PHLPP2: variants seen among roughly 807,000 people sequenced by gnomAD.
PHLPP2 encodes the protein PH domain leucine-rich repeat-containing protein phosphatase 2.
Under a neutral mutation model 124.9 loss-of-function variants are expected in PHLPP2, and 66 were observed. The ratio of observed to expected loss-of-function variants is 0.53; its 90% confidence interval spans 0.43 to 0.65. PHLPP2 has a LOEUF of 0.65. Ranked by LOEUF, PHLPP2 falls within the 30% of genes least tolerant of loss-of-function variation. The pLI is 0.00. For missense variants in PHLPP2, 1,685 were observed against 1,600.4 expected, an observed-to-expected ratio of 1.05 and a Z score of -0.90; for synonymous variants, 681 against 624.7, an observed-to-expected ratio of 1.09 and a Z score of -1.34.
chr16:71,694,807 C>CG (rs2045152390), intron 3 of PHLPP2, among the ~76,000 whole-genome samples: 1 of 151,510 alleles, frequency 6.6e-6, no homozygotes, highest in Non-Finnish European at 1.5e-5. Flanking sequence ...ATTTTTGAGA[C>CG]GGAGTCTTGC....
chr16:71,649,928 C>T lies in PHLPP2; in HGVS notation c.2934G>A (p.Glu978=). ...ISSTPLTIQD[E]LLILGNKALW... ...ATGCTTTGTTTCCCAGAATCAGCAACTCATCTTGAATGGTCAGCGGAGTGG... is the reference window on the plus strand; with the variant it reads ...ATGCTTTGTTTCCCAGAATCAGCAATTCATCTTGAATGGTCAGCGGAGTGG... The change falls in exon 19 of 19, where the codon GAG becomes GAA. Residue 978 remains glutamate, a synonymous_variant. Transcript: ENST00000568954. 1 of 1,614,170 alleles carries T rather than the reference C, an allele frequency of 6.2e-7. No homozygotes were observed. The highest frequency in any genetic ancestry group is 1.3e-5 in the African/African-American group (1 of 75,042).
intron 2 of PHLPP2, among the ~76,000 whole-genome samples, chr16:71,708,292 C>A (rs187665932): frequency 1.3e-4 from 20 of 152,246 alleles, no homozygotes; most frequent in African/African-American, 4.6e-4. Context: ...TGAAAATGGC[C>A]GGCTCCTGCC....
In PHLPP2 at chr16:71,646,301, A is replaced by T. The variant is rs538684061; in HGVS notation, c.*2589T>A. 3.3e-5 allele frequency: 5 copies of T among 152,370 alleles called. No individual in the cohort carries two copies. Among genetic ancestry groups the T allele is most frequent in the Non-Finnish European group, 5.9e-5 (4 of 68,030 alleles). 9.4% of individuals were successfully genotyped at this position (152,370 alleles called of 1,614,324 possible). A position where few individuals can be genotyped will look rare whatever the true frequency, so the allele number is the denominator to read the frequency against. On this transcript the variant is annotated 3_prime_UTR_variant, in exon 19 of 19. Coordinates refer to ENST00000568954, the MANE Select transcript of PHLPP2 (RefSeq NM_015020.3). ...GCAACTGCAGAAGGACATGAATTAA[A>T]GCAGACTGCAAAAAAGAATAATCAG...
intron 12 of PHLPP2, among the ~76,000 whole-genome samples, chr16:71,665,456 G>A (rs965746693): frequency 6.6e-6 from 1 of 152,164 alleles, no homozygotes; most frequent in South Asian, 2.1e-4. Flanking sequence ...CTAACATAGT[G>A]TTTAGTATAT....
chr16:71,718,384 C>T (rs926839451), intron 1 of PHLPP2, among the ~76,000 whole-genome samples: 1 of 151,960 alleles, frequency 6.6e-6, no homozygotes, highest in African/African-American at 2.4e-5. Flanking sequence ...TCGAGACCAG[C>T]CTGGCCAACA....
chr16:71,688,207 C>T (rs2045072086), intron 4 of PHLPP2, among the ~76,000 whole-genome samples: 1 of 152,174 alleles, frequency 6.6e-6, no homozygotes. Context: ...TTCCAGGAAA[C>T]TTCTGTGTAT....
rs1310173890 is a variant in PHLPP2 at position 71,645,541 on chromosome 16, G to A, written c.*3349C>T. On this transcript the variant is annotated 3_prime_UTR_variant, in exon 19 of 19. Transcript: ENST00000568954. ...CATTAATAATTATTGGATAGATAGA[G>A]AAGGTGAGCCTGTGGCTTCCAAGTA... The A allele has an allele frequency of 6.6e-6, 1 of 152,664 alleles. No homozygotes were observed. The highest frequency in any genetic ancestry group is 6.5e-5 in the Admixed American group (1 of 15,272). 9.5% of individuals were successfully genotyped at this position (152,664 alleles called of 1,614,324 possible).
chr16:71,681,303 T>C (rs149633536), intron 6 of PHLPP2, among the ~76,000 whole-genome samples: 6 of 152,272 alleles, frequency 3.9e-5, no homozygotes, highest in African/African-American at 1.2e-4. Context: ...GTTCCTGTAT[T>C]AGAACAGAGA....
intron 5 of PHLPP2, among the ~76,000 whole-genome samples, chr16:71,683,982 G>A (rs1262111244): frequency 6.6e-6 from 1 of 151,962 alleles, no homozygotes; most frequent in African/African-American, 2.4e-5. Flanking sequence ...AGTAGAGACG[G>A]GGTTTCTCCA....
chr16:71,699,135 G>C (rs1332025171), intron 3 of PHLPP2, among the ~76,000 whole-genome samples: 1 of 152,170 alleles, frequency 6.6e-6, no homozygotes, highest in Non-Finnish European at 1.5e-5. Flanking sequence ...AAAGGTGAGA[G>C]GGAAGCATAT....
intron 17 of PHLPP2, among the ~76,000 whole-genome samples, chr16:71,654,472 T>C (rs1369428762): frequency 1.3e-5 from 2 of 152,224 alleles, no homozygotes; most frequent in African/African-American, 4.8e-5. Context: ...TTTCCTGGGC[T>C]AGTGACATGT....
intron 2 of PHLPP2, among the ~76,000 whole-genome samples, chr16:71,710,350 C>A (rs1042578066): frequency 3.9e-5 from 6 of 152,198 alleles, no homozygotes; most frequent in Middle Eastern, 3.4e-3. Flanking sequence ...ATTAGTAATT[C>A]TTGAGTTATA....
chr16:71,700,651 C>T (rs1364746618), intron 3 of PHLPP2, among the ~76,000 whole-genome samples: 1 of 151,414 alleles, frequency 6.6e-6, no homozygotes, highest in Non-Finnish European at 1.5e-5. Flanking sequence ...TCAGCCTTCC[C>T]AGTAGCTGGG....
Position 71,714,537 on chromosome 16 carries a change from A to G in PHLPP2, c.259T>C (p.Leu87=), listed in dbSNP as rs768054817. ...CAGEGRESLY[L]QLHGDLVRRL... is the part of the protein sequence containing the mutation. ...CTGACCAGGTCTCCATGAAGCTGTA[A>G]ATAAAGACTTTCTCTTCCCTCTCCA... Residue 87 remains leucine (L), a synonymous_variant, in exon 2 of 19, where the codon TTA becomes CTA. Coordinates refer to ENST00000568954, the MANE Select transcript of PHLPP2 (RefSeq NM_015020.3). The G allele has an allele frequency of 6.2e-7, 1 of 1,612,636 alleles. No individual in the cohort carries two copies.
chr16:71,717,818 T>C (rs1597020995), intron 1 of PHLPP2, among the ~76,000 whole-genome samples: 2 of 152,318 alleles, frequency 1.3e-5, no homozygotes, highest in East Asian at 3.9e-4. Context: ...AAAAGTCGTC[T>C]TCAGAACAAC....
intron 3 of PHLPP2, among the ~76,000 whole-genome samples, chr16:71,693,762 T>C (rs1307213343): frequency 6.6e-6 from 1 of 152,246 alleles, no homozygotes; most frequent in East Asian, 1.9e-4. Context: ...AGTGAAACGT[T>C]GTCAATTTTT....
rs1350830843 is a variant in PHLPP2 at position 71,663,925 on chromosome 16, G to A, written c.1959C>T (p.Asn653=). ...HLHLRILHLA[N]NQLQTFPASK... is the part of the protein sequence containing the mutation. Reference sequence around the variant, plus strand: ...TTGCAGGAAAGGTCTGTAACTGATTGTTTGCAAGGTGCAAGATTCGCAGGT... The same window carrying A: ...TTGCAGGAAAGGTCTGTAACTGATTATTTGCAAGGTGCAAGATTCGCAGGT... Residue 653 remains asparagine (N), a synonymous_variant, in exon 13 of 19, where the codon AAC becomes AAT. Coordinates refer to ENST00000568954, the MANE Select transcript of PHLPP2 (RefSeq NM_015020.3). 1.2e-6 allele frequency: 2 copies of A among 1,613,866 alleles called. No homozygotes were observed. The highest frequency in any genetic ancestry group is 2.2e-5 in the South Asian group (2 of 91,078).
At position 71,681,820 on chromosome 16, in the gene PHLPP2, A is replaced by G. The variant is rs762213991; in HGVS notation, c.821T>C (p.Ile274Thr). 1.2e-5 allele frequency: 20 copies of G among 1,613,754 alleles called. 1 individual carries two copies. The highest frequency in any genetic ancestry group is 1.1e-4 in the South Asian group (10 of 91,064). Residue 274 changes from isoleucine (I) to threonine (T), a missense_variant, in exon 6 of 19, where the codon ATT (isoleucine) becomes ACT (threonine). Transcript: ENST00000568954. ...VPEHLFYSQD[I>T]TYLNLRHNFM... ...GTTGTGTCGCAAGTTGAGGTAGGTA[A>G]TATCTTGACTATAGAAGAGATGCTC...
intron 4 of PHLPP2, among the ~76,000 whole-genome samples, chr16:71,686,849 TTTAAG>T (rs888702715): frequency 1.2e-4 from 19 of 152,260 alleles, no homozygotes; most frequent in Admixed American, 1.1e-3. Context: ...TCAGTGAACA[TTTAAG>T]TTGTTTCTAG....
Sources: gnomAD v4.1 joint callset for allele counts (sites outside exome capture counted in the v4.1 genomes callset) on GRCh38, gnomAD v4.1.1 for gene constraint, MANE v1.5 for transcripts, NCBI Gene and HGNC (gene_info 2026-07-23, HGNC 2026-07-21) for gene names.